The following EPB41L3 variants were observed in gnomAD, a reference collection of about 807,000 sequenced individuals.
The protein encoded by EPB41L3 is band 4.1-like protein 3.
Under a neutral mutation model 127.1 loss-of-function variants are expected in EPB41L3, and 57 were observed. That is an observed-to-expected ratio of 0.45 (90% CI 0.36 to 0.56). The LOEUF is 0.56. Among genes scored for constraint, EPB41L3 ranks in the 20% least tolerant of loss-of-function variants. The pLI is 0.00. For missense variants in EPB41L3, 1,273 were observed against 1,372.2 expected, an observed-to-expected ratio of 0.93 and a Z score of 1.14; for synonymous variants, 572 against 549.5, an observed-to-expected ratio of 1.04 and a Z score of -0.57.
At chr18:5,401,057 G>A (rs1222234154) in intron 16 of EPB41L3, 1 of 1,523,674 alleles carries the variant, frequency 6.6e-7, no homozygotes, top group East Asian at 2.5e-5. Flanking sequence ...TTTGAATAAA[G>A]GGGGTTGGGT....
rs763808085 is a variant in EPB41L3 at position 5,489,115 on chromosome 18, C to G, written c.69G>C (p.Ala23=). The change falls in exon 2 of 23, where the codon GCG becomes GCC. Residue 23 remains alanine (A), a synonymous_variant. Coordinates refer to ENST00000341928, the MANE Select transcript of EPB41L3 (RefSeq NM_012307.5). The part of the protein sequence containing the change: ...PDQEAEPQEA[A]GAQGRAGAPV... ...GCGCCCCCGCGCGCCCCTGCGCCCC[C>G]GCCGCCTCCTGGGGCTCGGCCTCCT... The G allele has an allele frequency of 1.2e-5, 19 of 1,594,812 alleles. No homozygotes were observed. In the African/African-American group the frequency reaches 2.3e-4, roughly 20 times the overall value.
intron 13 of EPB41L3, among the ~76,000 whole-genome samples, chr18:5,414,822 G>A (rs2076599532): frequency 6.6e-6 from 1 of 152,166 alleles, no homozygotes; most frequent in Admixed American, 6.5e-5. Context: ...TGGGAAAGGA[G>A]AACAATTAAC....
intron 3 of EPB41L3, among the ~76,000 whole-genome samples, chr18:5,445,634 T>C (rs1230057090): frequency 6.6e-6 from 1 of 152,166 alleles, no homozygotes; most frequent in Non-Finnish European, 1.5e-5. Flanking sequence ...AAAGCCATAA[T>C]GCAGAGTGCC....
chr18:5,527,975 C>A (rs917200887), intron 1 of EPB41L3, among the ~76,000 whole-genome samples: 4 of 151,784 alleles, frequency 2.6e-5, no homozygotes, highest in Admixed American at 1.3e-4. Flanking sequence ...AGGATGTGCA[C>A]AGTATACTAT....
Position 5,601,511 on chromosome 18 carries a change from T to C in EPB41L3, c.-306+10829A>G, listed in dbSNP as rs552345850. Among the ~76,000 whole-genome samples the C allele has an allele frequency of 6.6e-4, 101 of 152,194 alleles. 1 individual carries two copies. The highest frequency in any genetic ancestry group is 3.3e-4 in the Admixed American group (5 of 15,272). On this transcript the variant is annotated intron_variant, in intron 3 of 21. Transcript: ENST00000545076. ...TAATAAAACCTTGTAGTGTGTGTTG[T>C]TGTTTTTTTCCTTCAGATTTCCACA...
intron 1 of EPB41L3, among the ~76,000 whole-genome samples, chr18:5,618,167 T>C (rs141308049): frequency 1.3e-5 from 2 of 152,296 alleles, no homozygotes; most frequent in African/African-American, 4.8e-5. Context: ...AGCTGTAAAA[T>C]GGGGAAGGCC....
chr18:5,615,223 T>C (rs2094779420), intron 1 of EPB41L3, among the ~76,000 whole-genome samples: 1 of 152,174 alleles, frequency 6.6e-6, no homozygotes, highest in South Asian at 2.1e-4. Context: ...AACTGCTTCT[T>C]ATATTTTCCT....
chr18:5,621,549 G>A (rs905186232), intron 1 of EPB41L3, among the ~76,000 whole-genome samples: 1 of 152,146 alleles, frequency 6.6e-6, no homozygotes, highest in Non-Finnish European at 1.5e-5. Flanking sequence ...GACCAGCCTG[G>A]GAAATACAGC....
chr18:5,563,529 T>C (rs184492029), intron 3 of EPB41L3, among the ~76,000 whole-genome samples: 5 of 152,262 alleles, frequency 3.3e-5, no homozygotes, highest in Admixed American at 2.0e-4. Context: ...AAAAGCAAGA[T>C]GGATTGAGGA....
At chr18:5,588,148 A>G (rs2094456141) in intron 3 of EPB41L3, among the ~76,000 whole-genome samples, 1 of 152,232 alleles carries the variant, frequency 6.6e-6, no homozygotes, top group African/African-American at 2.4e-5. Context: ...GCAAGGAGTC[A>G]TATACATTCC....
chr18:5,395,490 G>A, intron 20 of EPB41L3, 119 bp downstream of exon 20: 2 of 874,624 alleles, frequency 2.3e-6, no homozygotes, highest in Non-Finnish European at 3.7e-6. Context: ...AGCTATCCCG[G>A]CGTCCTGAGC....
intron 3 of EPB41L3, among the ~76,000 whole-genome samples, chr18:5,569,414 G>A (rs2094248088): frequency 6.6e-6 from 1 of 152,178 alleles, no homozygotes; most frequent in Non-Finnish European, 1.5e-5. Context: ...TTAAAATGTT[G>A]CTGAGGTGTA....
At chr18:5,411,179 C>T (rs1398212957) in intron 13 of EPB41L3, among the ~76,000 whole-genome samples, 1 of 152,104 alleles carries the variant, frequency 6.6e-6, no homozygotes, top group Non-Finnish European at 1.5e-5. Context: ...AAGGCACATG[C>T]CAGTGACTCA....
At chr18:5,506,666 C>T (rs998454999) in intron 1 of EPB41L3, among the ~76,000 whole-genome samples, 2 of 152,156 alleles carry the variant, frequency 1.3e-5, no homozygotes, top group Non-Finnish European at 1.5e-5. Flanking sequence ...TTTTAGTTAT[C>T]ATATCCCCTC....
chr18:5,589,325 A>G (rs1023962514), intron 3 of EPB41L3, among the ~76,000 whole-genome samples: 54 of 151,890 alleles, frequency 3.6e-4, no homozygotes, highest in African/African-American at 1.2e-3. Context: ...AAAATTACTA[A>G]ACTACTTGAA....
intron 16 of EPB41L3, among the ~76,000 whole-genome samples, chr18:5,405,897 C>T (rs2075306081): frequency 6.6e-6 from 1 of 151,842 alleles, no homozygotes; most frequent in Non-Finnish European, 1.5e-5. Context: ...AAATTTCTGG[C>T]CACTACTTTC....
intron 3 of EPB41L3, among the ~76,000 whole-genome samples, chr18:5,580,541 T>C (rs1348270538): frequency 2.0e-5 from 3 of 152,132 alleles, no homozygotes; most frequent in Admixed American, 1.3e-4. Flanking sequence ...TGTATACATA[T>C]ATAGATAAGT....
intron 15 of EPB41L3, 155 bp from the exon 16 acceptor site, chr18:5,407,123 G>A: frequency 6.5e-6 from 4 of 615,956 alleles, no homozygotes; most frequent in Non-Finnish European, 1.1e-5. Flanking sequence ...AAACACTCTG[G>A]TGAAAATGTG....
intron 6 of EPB41L3, 76 bp downstream of exon 6, chr18:5,437,959 C>T (rs1467193253): frequency 9.5e-6 from 12 of 1,257,254 alleles, no homozygotes; most frequent in South Asian, 3.9e-5. Flanking sequence ...GATGTAAGCA[C>T]GCTCTTTCCG....
Sources: gnomAD v4.1 joint callset for allele counts (sites outside exome capture counted in the v4.1 genomes callset) on GRCh38, gnomAD v4.1.1 for gene constraint, MANE v1.5 for transcripts, NCBI Gene and HGNC (gene_info 2026-07-23, HGNC 2026-07-21) for gene names.